The following GJA10 variants were observed in gnomAD, a reference collection of about 807,000 sequenced individuals.
GJA10 encodes gap junction protein alpha 10, also known as gap junction alpha-10 protein.
For missense variants in GJA10, 685 were observed against 651.9 expected, an observed-to-expected ratio of 1.05 and a Z score of -0.55; for synonymous variants, 239 against 233.0, an observed-to-expected ratio of 1.03 and a Z score of -0.23.
rs1771730807 is a variant in GJA10 at position 89,895,242 on chromosome 6, AT to A, written c.776del (p.Phe259SerfsTer3). 6 of 1,614,110 alleles carry A rather than the reference AT, an allele frequency of 3.7e-6. No individual in the cohort carries two copies. Among genetic ancestry groups the A allele is most frequent in the Non-Finnish European group, 5.1e-6 (6 of 1,180,044 alleles). ...GCATTGAGGATGAAACAGGCCCTCC[AT>A]TCCATTTGAAGAAATATTCTGTGGC... On this transcript the variant is annotated frameshift_variant, in exon 1 of 2. Transcript: ENST00000638915. LOFTEE classifies it high-confidence loss of function.
rs1421705900 is a variant in GJA10, at chr6:89,895,221, T to A, written c.753T>A (p.Ile251=). The stretch of plus-strand genomic sequence containing the variant: ...ATAAGAAATCCAGCAGTGAGGGCAT[T>A]GAGGATGAAACAGGCCCTCCATTCC... The part of the protein sequence containing the change: ...TLYKKSSSEG[I]EDETGPPFHL... Residue 251 remains isoleucine, a synonymous_variant, in exon 1 of 1, where the codon ATT becomes ATA. Coordinates refer to ENST00000369352, the MANE Select transcript of GJA10 (RefSeq NM_032602.2). 1 of 1,614,136 alleles carries A rather than the reference T, an allele frequency of 6.2e-7. No individual in the cohort carries two copies. Among genetic ancestry groups the A allele is most frequent in the Admixed American group, 1.7e-5 (1 of 60,026 alleles).
At position 89,895,584 on chromosome 6, in the gene GJA10, T is replaced by C. The variant is rs764580377; in HGVS notation, c.1116T>C (p.Thr372=). The change falls in exon 1 of 1, where the codon ACT becomes ACC. Residue 372 remains threonine, a synonymous_variant. Transcript: ENST00000369352. Reference sequence around the variant, plus strand: ...TGTCTCAGTCCTGGCTAGGTACAACTACGGCTCCTAGAAACTGTCCATCCT... The same window carrying C: ...TGTCTCAGTCCTGGCTAGGTACAACCACGGCTCCTAGAAACTGTCCATCCT... The part of the protein sequence containing the change: ...NTMSQSWLGT[T]TAPRNCPSFA... 2 of 1,614,148 alleles carry C rather than the reference T, an allele frequency of 1.2e-6. No individual in the cohort carries two copies. The highest frequency in any genetic ancestry group is 2.2e-5 in the East Asian group (1 of 44,870).
chr6:89,894,854 A>G lies in GJA10; in HGVS notation c.386A>G (p.Gln129Arg), dbSNP rs1771718625. Residue 129 changes from glutamine to arginine, a missense_variant, in exon 1 of 1, where the codon CAA becomes CGA. Physicochemically the swap from Gln to Arg is conservative, Grantham distance 43 (BLOSUM62 1). Transcript: ENST00000369352. ...CCAGATCTTGACTTGGAGGAGCAGC[A>G]AAGAATAGATAGGGAACTGAGGAGG... ...ENPDLDLEEQ[Q>R]RIDRELRRLE... 2.5e-6 allele frequency: 4 copies of G among 1,614,226 alleles called. No homozygotes were observed. The highest frequency in any genetic ancestry group is 1.3e-5 in the African/African-American group (1 of 75,054).
Position 89,894,659 on chromosome 6 carries a change from T to A in GJA10, c.191T>A (p.Ile64Asn), listed in dbSNP as rs1771713452. 1 of 1,614,180 alleles carries A rather than the reference T, an allele frequency of 6.2e-7. No individual in the cohort carries two copies. Among genetic ancestry groups the A allele is most frequent in the Non-Finnish European group, 8.5e-7 (1 of 1,180,030 alleles). The change falls in exon 1 of 1, where the codon ATC becomes AAC. Residue 64 changes from isoleucine to asparagine, a missense_variant. Ile to Asn is a moderately radical substitution (Grantham distance 149). Transcript: ENST00000369352. ...CNTRQPGCNN[I>N]CYDDAFPISL... ...ACCCGGCAGCCAGGTTGCAACAATA[T>A]CTGTTATGATGATGCATTCCCTATC...
At chr6:89,895,915 C>T (rs768998130) in intron 1 of GJA10, 2 of 1,614,192 alleles carry the variant, frequency 1.2e-6, no homozygotes, top group East Asian at 2.2e-5. Flanking sequence ...AATGGTAAGA[C>T]AGGCAGCCCT....
intron 1 of GJA10, chr6:89,896,042 ATTAT>A: frequency 1.2e-6 from 2 of 1,609,044 alleles, no homozygotes; most frequent in Non-Finnish European, 1.7e-6. Flanking sequence ...GGAGGGGGAG[ATTAT>A]TTATGGAGAG....
rs1197566808 is a variant in GJA10 at position 89,895,849 on chromosome 6, C to T, written c.1381C>T (p.Pro461Ser). ...TCGGAATAGCTCCTGCTTGGATTTTCCTCACTGGGAAAACAGCCCCTCACC... is the reference window on the plus strand; with the variant it reads ...TCGGAATAGCTCCTGCTTGGATTTTTCTCACTGGGAAAACAGCCCCTCACC... ...GSRNSSCLDF[P>S]HWENSPSPLP... The change falls in exon 1 of 1, where the codon CCT (proline) becomes TCT (serine). Residue 461 changes from proline to serine, a missense_variant. Physicochemically the swap from Pro to Ser is moderately conservative, Grantham distance 74. Transcript: ENST00000369352. The T allele has an allele frequency of 2.5e-6, 4 of 1,614,176 alleles. No homozygotes were observed. The highest frequency in any genetic ancestry group is 1.1e-5 in the South Asian group (1 of 91,084).
Position 89,894,709 on chromosome 6 carries a change from C to T in GJA10, c.241C>T (p.Gln81Ter), listed in dbSNP as rs1437648806. Reference sequence around the variant, plus strand: ...CTCTTTGATCAGGTTCTGGGTTTTACAGATCATCTTTGTGTCTTCTCCTTC... The same window carrying T: ...CTCTTTGATCAGGTTCTGGGTTTTATAGATCATCTTTGTGTCTTCTCCTTC... Residue 81 changes from glutamine (Q) to a stop codon, truncating the protein, a stop_gained, in exon 1 of 2, where the codon CAG becomes TAG. Coordinates refer to the GJA10 transcript ENST00000638915. LOFTEE classifies it high-confidence loss of function. 2 of 1,614,092 alleles carry T rather than the reference C, an allele frequency of 1.2e-6. No homozygotes were observed.
At position 89,895,570 on chromosome 6, in the gene GJA10, T is replaced by C. The variant is rs776134718; in HGVS notation, c.1102T>C (p.Trp368Arg). The C allele has an allele frequency of 6.2e-6, 10 of 1,614,192 alleles. No individual in the cohort carries two copies. The highest frequency in any genetic ancestry group is 2.2e-5 in the East Asian group (1 of 44,878). ...FGLQNTMSQS[W>R]LGTTTAPRNC... is the part of the protein sequence containing the mutation. ...CCTGCAGAATACAATGTCTCAGTCCTGGCTAGGTACAACTACGGCTCCTAG... is the reference window on the plus strand; with the variant it reads ...CCTGCAGAATACAATGTCTCAGTCCCGGCTAGGTACAACTACGGCTCCTAG... Residue 368 changes from tryptophan to arginine, a missense_variant, in exon 1 of 1, where the codon TGG (tryptophan) becomes CGG (arginine). Coordinates refer to ENST00000369352, the MANE Select transcript of GJA10 (RefSeq NM_032602.2).
chr6:89,894,847 G>A lies in GJA10; in HGVS notation c.379G>A (p.Glu127Lys), dbSNP rs745419913. ...GGAGAATCCAGATCTTGACTTGGAG[G>A]AGCAGCAAAGAATAGATAGGGAACT... is the stretch of plus-strand genomic sequence containing the variant. Reference protein sequence around the residue: ...QMENPDLDLEEQQRIDRELRR... With the variant: ...QMENPDLDLEKQQRIDRELRR... Residue 127 changes from glutamate to lysine, a missense_variant, in exon 1 of 1, where the codon GAG becomes AAG. Coordinates refer to ENST00000369352, the MANE Select transcript of GJA10 (RefSeq NM_032602.2). The A allele has an allele frequency of 1.9e-6, 3 of 1,614,144 alleles. No homozygotes were observed. The highest frequency in any genetic ancestry group is 2.5e-6 in the Non-Finnish European group (3 of 1,180,022).
At position 89,895,394 on chromosome 6, in the gene GJA10, G is replaced by A; in HGVS notation, c.926G>A (p.Arg309Lys). 2 of 1,614,194 alleles carry A rather than the reference G, an allele frequency of 1.2e-6. No homozygotes were observed. The highest frequency in any genetic ancestry group is 1.7e-6 in the Non-Finnish European group (2 of 1,180,034). The change falls in exon 1 of 1, where the codon AGG becomes AAG. Residue 309 changes from arginine (R) to lysine (K), a missense_variant. Transcript: ENST00000369352. The part of the protein sequence containing the change: ...SKTMWQIPQP[R>K]QLEVDPSNGK... Reference sequence around the variant, plus strand: ...ACCATGTGGCAAATCCCACAGCCAAGGCAACTTGAAGTAGACCCTTCCAAT... The same window carrying A: ...ACCATGTGGCAAATCCCACAGCCAAAGCAACTTGAAGTAGACCCTTCCAAT...
Position 89,895,399 on chromosome 6 carries a change from C to A in GJA10, c.931C>A (p.Leu311Ile). 6.2e-7 allele frequency: 1 copy of A among 1,614,216 alleles called. No individual in the cohort carries two copies. Among genetic ancestry groups the A allele is most frequent in the Non-Finnish European group, 8.5e-7 (1 of 1,180,042 alleles). ...TMWQIPQPRQ[L>I]EVDPSNGKKD... ...GTGGCAAATCCCACAGCCAAGGCAA[C>A]TTGAAGTAGACCCTTCCAATGGGAA... Residue 311 changes from leucine (L) to isoleucine (I), a missense_variant, in exon 1 of 1, where the codon CTT becomes ATT. Leu to Ile is a conservative substitution (Grantham distance 5). Coordinates refer to ENST00000369352, the MANE Select transcript of GJA10 (RefSeq NM_032602.2).
Position 89,894,931 on chromosome 6 carries a change from C to T in GJA10, c.463C>T (p.Arg155Cys), listed in dbSNP as rs540684772. The change falls in exon 1 of 1, where the codon CGT becomes TGT. Residue 155 changes from arginine to cysteine, a missense_variant. By Grantham distance (180) the Arg-to-Cys change is radical. Transcript: ENST00000369352. ...HKVPLKGCLL[R>C]TYVLHILTRS... is the part of the protein sequence containing the mutation. ...AGTCCCTCTGAAAGGATGTCTGCTGCGTACTTATGTCTTACACATCTTGAC... is the reference window on the plus strand; with the variant it reads ...AGTCCCTCTGAAAGGATGTCTGCTGTGTACTTATGTCTTACACATCTTGAC... 6.2e-6 allele frequency: 10 copies of T among 1,614,100 alleles called. No individual in the cohort carries two copies. The highest frequency in any genetic ancestry group is 3.3e-4 in the Middle Eastern group (2 of 6,062).
chr6:89,894,762 T>G lies in GJA10; in HGVS notation c.294T>G (p.Tyr98Ter), dbSNP rs769713121. 8.1e-6 allele frequency: 13 copies of G among 1,614,236 alleles called. No individual in the cohort carries two copies. Among genetic ancestry groups the G allele is most frequent in the Non-Finnish European group, 1.1e-5 (13 of 1,180,040 alleles). Residue 98 changes from tyrosine (Y) to a stop codon, truncating the protein, a stop_gained, in exon 1 of 2, where the codon TAT becomes TAG. Coordinates refer to the GJA10 transcript ENST00000638915. LOFTEE classifies it high-confidence loss of function. ...TGGTCTATATGGGCCATGCACTTTA[T>G]AGGCTCAGGGCCTTTGAGAAAGACA...
chr6:89,894,474 G>A lies in GJA10; in HGVS notation c.6G>A (p.Gly2=). The A allele has an allele frequency of 1.9e-6, 3 of 1,611,298 alleles. No homozygotes were observed. Among genetic ancestry groups the A allele is most frequent in the Non-Finnish European group, 1.7e-6 (2 of 1,177,888 alleles). ...TCAGACATTAGTCTTTAACCATGGG[G>A]GACTGGAACTTATTGGGTGGCATCC... M[G]DWNLLGGILE... Residue 2 remains glycine (G), a synonymous_variant, in exon 1 of 1, where the codon GGG becomes GGA. Coordinates refer to ENST00000369352, the MANE Select transcript of GJA10 (RefSeq NM_032602.2).
At position 89,895,179 on chromosome 6, in the gene GJA10, A is replaced by C; in HGVS notation, c.711A>C (p.Lys237Asn). 1 of 1,614,120 alleles carries C rather than the reference A, an allele frequency of 6.2e-7. No individual in the cohort carries two copies. The highest frequency in any genetic ancestry group is 8.5e-7 in the Non-Finnish European group (1 of 1,180,028). ...ILEIFHLGIR[K>N]IMRTLYKKSS... is the part of the protein sequence containing the mutation. Reference sequence around the variant, plus strand: ...AAATATTTCATCTAGGCATCAGAAAAATTATGAGGACACTTTATAAGAAAT... The same window carrying C: ...AAATATTTCATCTAGGCATCAGAAACATTATGAGGACACTTTATAAGAAAT... Residue 237 changes from lysine (K) to asparagine (N), a missense_variant, in exon 1 of 1, where the codon AAA becomes AAC. Lys to Asn is a moderately conservative substitution (Grantham distance 94). Coordinates refer to ENST00000369352, the MANE Select transcript of GJA10 (RefSeq NM_032602.2).
rs1360407335 is a variant in GJA10 at position 89,894,950 on chromosome 6, T to C, written c.482T>C (p.Ile161Thr). Reference protein sequence around the residue: ...GCLLRTYVLHILTRSVLEVGF... With the variant: ...GCLLRTYVLHTLTRSVLEVGF... ...CTGCTGCGTACTTATGTCTTACACA[T>C]CTTGACCAGATCTGTGCTGGAAGTA... Residue 161 changes from isoleucine to threonine, a missense_variant, in exon 1 of 1, where the codon ATC becomes ACC. Transcript: ENST00000369352. 6.2e-7 allele frequency: 1 copy of C among 1,614,160 alleles called. No individual in the cohort carries two copies. The highest frequency in any genetic ancestry group is 1.1e-5 in the South Asian group (1 of 91,084).
Position 89,894,935 on chromosome 6 carries a change from C to G in GJA10, c.467C>G (p.Thr156Ser). The change falls in exon 1 of 1, where the codon ACT (threonine) becomes AGT (serine). Residue 156 changes from threonine to serine, a missense_variant. Transcript: ENST00000369352. The stretch of plus-strand genomic sequence containing the variant: ...CCTCTGAAAGGATGTCTGCTGCGTA[C>G]TTATGTCTTACACATCTTGACCAGA... Reference protein sequence around the residue: ...KVPLKGCLLRTYVLHILTRSV... With the variant: ...KVPLKGCLLRSYVLHILTRSV... 5 of 1,614,136 alleles carry G rather than the reference C, an allele frequency of 3.1e-6. No homozygotes were observed. Among genetic ancestry groups the G allele is most frequent in the Non-Finnish European group, 4.2e-6 (5 of 1,180,032 alleles).
rs1254695642 is a variant in GJA10, at chr6:89,895,328, A to G, written c.860A>G (p.Asn287Ser). Residue 287 changes from asparagine to serine, a missense_variant, in exon 1 of 1, where the codon AAT becomes AGT. Transcript: ENST00000369352. ...PERISPLQAN[N>S]QQQVIRVNVP... The stretch of plus-strand genomic sequence containing the variant: ...AGAATCTCTCCACTTCAAGCTAACA[A>G]TCAACAGCAAGTCATTCGAGTTAAT... The G allele has an allele frequency of 6.2e-7, 1 of 1,614,204 alleles. No individual in the cohort carries two copies. The highest frequency in any genetic ancestry group is 1.1e-5 in the South Asian group (1 of 91,086).
Sources: allele counts gnomAD v4.1 joint callset, GRCh38; gene constraint gnomAD v4.1.1; transcripts MANE v1.5; gene names NCBI Gene and HGNC (gene_info 2026-07-23, HGNC 2026-07-21).